ABCA10: variants seen among roughly 807,000 people sequenced by gnomAD.
ABCA10 encodes the protein ATP-binding cassette sub-family A member 10.
In ABCA10, 169 loss-of-function variants were observed where a neutral mutation model predicts 187.5. The observed-to-expected ratio is 0.90, with a 90% CI of 0.80 to 1.02. The LOEUF is 1.02. Among genes scored for constraint, ABCA10 ranks in the 50% least tolerant of loss-of-function variants. The pLI is 0.00. For missense variants in ABCA10, 1,727 were observed against 1,812.4 expected (o/e 0.95, Z 0.86); for synonymous variants, 574 against 601.8 (o/e 0.95, Z 0.68).
chr17:69,201,542 A>C lies in ABCA10; in HGVS notation c.1133T>G (p.Phe378Cys), dbSNP rs146677382. 1.2e-4 allele frequency: 187 copies of C among 1,607,532 alleles called. 1 individual carries two copies. The East Asian group carries it at 4.1e-3, about 35-fold the overall frequency. The change falls in exon 10 of 39, where the codon TTT (phenylalanine) becomes TGT (cysteine). Residue 378 changes from phenylalanine (F) to cysteine (C), a missense_variant. By Grantham distance (205) the Phe-to-Cys change is radical. Coordinates refer to ENST00000690296, the MANE Select transcript of ABCA10 (RefSeq NM_001377321.1). ...INPEHSSDDS[F>C]EPVSPEFHGK... ...ATGGAATTCTGGAGACACCGGTTCAAAAGAATCATCAGAGGAATGCTCAGG... is the reference window on the plus strand; with the variant it reads ...ATGGAATTCTGGAGACACCGGTTCACAAGAATCATCAGAGGAATGCTCAGG...
At position 69,187,843 on chromosome 17, in the gene ABCA10, G is replaced by A. The variant is rs143154419; in HGVS notation, c.2168C>T (p.Thr723Ile). Reference sequence around the variant, plus strand: ...TTCAGACTCATCTCCAGTATTTCTTGTCACATGTATTTTCTCTTGTTTCCC... The same window carrying A: ...TTCAGACTCATCTCCAGTATTTCTTATCACATGTATTTTCTCTTGTTTCCC... Reference protein sequence around the residue: ...DIGKQEKIHVTRNTGDESEME... With the variant: ...DIGKQEKIHVIRNTGDESEME... The change falls in exon 19 of 39, where the codon ACA becomes ATA. Residue 723 changes from threonine (T) to isoleucine (I), a missense_variant. Thr to Ile is a moderately conservative substitution (Grantham distance 89). Transcript: ENST00000690296. 225 of 1,613,606 alleles carry A rather than the reference G, an allele frequency of 1.4e-4. No homozygotes were observed. Among genetic ancestry groups the A allele is most frequent in the Non-Finnish European group, 1.8e-4 (209 of 1,179,720 alleles).
intron 11 of ABCA10, among the ~76,000 whole-genome samples, chr17:69,195,079 G>C (rs950037608): frequency 1.3e-5 from 2 of 152,140 alleles, no homozygotes; most frequent in African/African-American, 4.8e-5. Flanking sequence ...TCACATATAT[G>C]TGCCTAAGGC....
intron 5 of ABCA10, among the ~76,000 whole-genome samples, chr17:69,220,780 C>G (rs776389393): frequency 6.6e-6 from 1 of 152,136 alleles, no homozygotes; most frequent in Non-Finnish European, 1.5e-5. Context: ...AGTTCCCAGA[C>G]CAAATCTGAC....
At chr17:69,219,029 A>G (rs980553417) in intron 6 of ABCA10, among the ~76,000 whole-genome samples, 1 of 152,082 alleles carries the variant, frequency 6.6e-6, no homozygotes, top group African/African-American at 2.4e-5. Context: ...ACTTACTTTA[A>G]TGAGATTTTA....
At chr17:69,225,219 AG>A in intron 3 of ABCA10, 105 bp downstream of exon 3, 1 of 1,285,126 alleles carries the variant, frequency 7.8e-7, no homozygotes, top group Non-Finnish European at 1.1e-6. Flanking sequence ...TCTTTGCCTC[AG>A]TTGAGAATCA....
chr17:69,148,785 A>AT lies in ABCA10; in HGVS notation c.*41dup. 6.8e-7 allele frequency: 1 copy of AT among 1,473,212 alleles called. No individual in the cohort carries two copies. The highest frequency in any genetic ancestry group is 1.4e-5 in the African/African-American group (1 of 71,564). The allele number at this position is 1,473,212 out of a possible 1,614,324, so 91.3% of individuals were successfully genotyped here. A position where few individuals can be genotyped will look rare whatever the true frequency, so the allele number is the denominator to read the frequency against. On this transcript the variant is annotated 3_prime_UTR_variant, in exon 39 of 39. Coordinates refer to ENST00000690296, the MANE Select transcript of ABCA10 (RefSeq NM_001377321.1). The stretch of plus-strand genomic sequence containing the variant: ...TCTTGTAGAATTATGGAAACTAACA[A>AT]TGTAGTAGGACCTAAAATTGAATGT...
intron 22 of ABCA10, among the ~76,000 whole-genome samples, chr17:69,179,322 T>A (rs2074361178): frequency 6.6e-6 from 1 of 152,114 alleles, no homozygotes; most frequent in Non-Finnish European, 1.5e-5. Flanking sequence ...TGTCTGGAGG[T>A]AATATGCTAA....
At chr17:69,167,546 G>A (rs931466864) in intron 25 of ABCA10, among the ~76,000 whole-genome samples, 1 of 152,186 alleles carries the variant, frequency 6.6e-6, no homozygotes, top group African/African-American at 2.4e-5. Context: ...AGGGTGGGGA[G>A]TGAAGGGTTT....
intron 3 of ABCA10, chr17:69,223,823 G>A (rs914198367): frequency 5.1e-5 from 14 of 276,982 alleles, no homozygotes; most frequent in Non-Finnish European, 7.2e-5. Flanking sequence ...TGGAACAGGC[G>A]AGCATGGTAG....
chr17:69,229,278 T>C (rs2074815271), upstream of ABCA10, among the ~76,000 whole-genome samples: 1 of 152,034 alleles, frequency 6.6e-6, no homozygotes, highest in Non-Finnish European at 1.5e-5. Flanking sequence ...TTGCAGATGT[T>C]TAAATAAGTG....
intron 1 of ABCA10, among the ~76,000 whole-genome samples, chr17:69,235,786 A>G (rs919468051): frequency 1.4e-4 from 21 of 151,968 alleles, no homozygotes; most frequent in Non-Finnish European, 2.4e-4. Context: ...AAAAAAGAAA[A>G]CAAAAAAAAC....
intron 6 of ABCA10, 71 bp from the exon 7 acceptor site, chr17:69,216,429 G>A (rs1364108887): frequency 6.7e-7 from 1 of 1,496,788 alleles, no homozygotes; most frequent in African/African-American, 1.4e-5. Context: ...GTGCGAAATG[G>A]TTAAGAGTAA....
chr17:69,206,826 G>A (rs977089766), intron 9 of ABCA10, among the ~76,000 whole-genome samples: 1 of 152,108 alleles, frequency 6.6e-6, no homozygotes, highest in Non-Finnish European at 1.5e-5. Context: ...AGAAGGAAAC[G>A]GGGGAGAGGG....
Position 69,155,081 on chromosome 17 carries a change from C to A in ABCA10, c.3632G>T (p.Ser1211Ile). Residue 1211 changes from serine to isoleucine, a missense_variant, in exon 30 of 39, where the codon AGT (serine) becomes ATT (isoleucine). Transcript: ENST00000690296. ...TTTCTTCTTTCTTGTTGAAAAGCAA[C>A]TTTTCTTTGTCTCATAATATTCCTT... Reference protein sequence around the residue: ...LHKEYYETKKSCFSTRKKKIA... With the variant: ...LHKEYYETKKICFSTRKKKIA... 1 of 1,612,924 alleles carries A rather than the reference C, an allele frequency of 6.2e-7. No homozygotes were observed. Among genetic ancestry groups the A allele is most frequent in the Non-Finnish European group, 8.5e-7 (1 of 1,179,398 alleles).
upstream of ABCA10, among the ~76,000 whole-genome samples, chr17:69,232,093 C>CT (rs2074836049): frequency 6.6e-6 from 1 of 151,838 alleles, no homozygotes; most frequent in Admixed American, 6.6e-5. Flanking sequence ...CATAAAATAT[C>CT]TTTTTCCATC....
intron 19 of ABCA10, among the ~76,000 whole-genome samples, chr17:69,186,580 T>A (rs1349099154): frequency 2.0e-5 from 3 of 152,228 alleles, no homozygotes; most frequent in African/African-American, 7.2e-5. Context: ...AAGAGTTGTC[T>A]ACTTTCAGAC....
At chr17:69,231,935 T>C (rs1307768491), upstream of ABCA10, among the ~76,000 whole-genome samples, 1 of 152,158 alleles carries the variant, frequency 6.6e-6, no homozygotes, top group Non-Finnish European at 1.5e-5. Flanking sequence ...TACTCTTATG[T>C]TGAGTACATA....
chr17:69,221,064 G>T (rs867503548), intron 5 of ABCA10, among the ~76,000 whole-genome samples: 5 of 152,292 alleles, frequency 3.3e-5, no homozygotes, highest in Middle Eastern at 6.8e-3. Context: ...AGAAAGAGAT[G>T]CCTGAGATAG....
rs771873032 is a variant in ABCA10 at position 69,175,388 on chromosome 17, CCT to C, written c.2877+16_2877+17del. The C allele has an allele frequency of 3.8e-6, 6 of 1,582,186 alleles. No homozygotes were observed. The highest frequency in any genetic ancestry group is 3.4e-5 in the South Asian group (3 of 87,032). On this transcript the variant is annotated intron_variant, in intron 23 of 38. Transcript: ENST00000690296. ...AATAAAATCAATCTCAATCTAATTTCCTCTCTCTCCCTCTTACTTTATAATCG... is the reference window on the plus strand; with the variant it reads ...AATAAAATCAATCTCAATCTAATTTCCTCTCTCCCTCTTACTTTATAATCG...
Sources: gnomAD v4.1 joint callset for allele counts (sites outside exome capture counted in the v4.1 genomes callset) on GRCh38, gnomAD v4.1.1 for gene constraint, MANE v1.5 for transcripts, NCBI Gene and HGNC (gene_info 2026-07-23, HGNC 2026-07-21) for gene names.